Variants in ADGRB1 observed in about 807,000 individuals in gnomAD.
ADGRB1 encodes adhesion G protein-coupled receptor B1.
ADGRB1 carries 36 observed loss-of-function variants against 175.7 expected under a neutral mutation model. The observed-to-expected ratio is 0.20, with a 90% CI of 0.16 to 0.27. The LOEUF is 0.27. Ranked by LOEUF, ADGRB1 falls within the 10% of genes least tolerant of loss-of-function variation. The pLI is 1.00. For synonymous variants in ADGRB1, 1,054 were observed against 979.4 expected, an observed-to-expected ratio of 1.08 and a Z score of -1.42; for missense variants, 1,731 against 2,255.3, an observed-to-expected ratio of 0.77 and a Z score of 4.71.
At chr8:142,495,493 T>A (rs1395611182) in intron 17 of ADGRB1, among the ~76,000 whole-genome samples, 1 of 152,148 alleles carries the variant, frequency 6.6e-6, no homozygotes, top group African/African-American at 2.4e-5. Context: ...ATCTATTATC[T>A]CCCAGTTCTG....
intron 11 of ADGRB1, among the ~76,000 whole-genome samples, chr8:142,482,087 C>T (rs1273810377): frequency 1.3e-5 from 2 of 150,186 alleles, no homozygotes; most frequent in East Asian, 2.0e-4. Context: ...ACCCTGGTCA[C>T]ACACCATGTC....
rs1432326531 is a variant in ADGRB1 at position 142,455,461 on chromosome 8, C to G, written c.-220+5357C>G. 6.6e-6 allele frequency among the ~76,000 whole-genome samples: 1 copy of G among 152,166 alleles called. No individual in the cohort carries two copies. The highest frequency in any genetic ancestry group is 1.5e-5 in the Non-Finnish European group (1 of 68,032). ...TCCTCTCTGCAGCTTCGCTGTCAGGCCCCCAACCACTTGCCTTCCTGGGAG... is the reference window on the plus strand; with the variant it reads ...TCCTCTCTGCAGCTTCGCTGTCAGGGCCCCAACCACTTGCCTTCCTGGGAG... On this transcript the variant is annotated intron_variant, in intron 1 of 30. Transcript: ENST00000517894. This position sits in a 1 kb window ranked among gnomAD's most constrained non-coding sequence, Gnocchi z 4.9.
intron 2 of ADGRB1, among the ~76,000 whole-genome samples, chr8:142,468,251 C>T (rs1038363512): frequency 1.3e-4 from 20 of 151,860 alleles, no homozygotes; most frequent in African/African-American, 2.4e-4. Flanking sequence ...TACTCATGTG[C>T]GTGTGTGTGT....
rs962756284 is a variant in ADGRB1, at chr8:142,464,250, C to T, written c.52C>T (p.Leu18=). ...CCCCGTCTGGATCCTCGCCCCGCTG[C>T]TACTGCTGCTGCTGCTGCTGGGACG... ...PGPVWILAPL[L]LLLLLLGRRA... is the part of the protein sequence containing the mutation. The change falls in exon 2 of 31, where the codon CTA becomes TTA. Residue 18 remains leucine (L), a synonymous_variant. Coordinates refer to ENST00000517894, the MANE Select transcript of ADGRB1 (RefSeq NM_001702.3). 3 of 1,346,908 alleles carry T rather than the reference C, an allele frequency of 2.2e-6. No individual in the cohort carries two copies. The African/African-American group carries it at 4.6e-5, about 21-fold the overall frequency. The allele number at this position is 1,346,908 out of a possible 1,614,324, so 83.4% of individuals were successfully genotyped here. A position where few individuals can be genotyped will look rare whatever the true frequency, so the allele number is the denominator to read the frequency against.
Position 142,533,140 on chromosome 8 carries a change from C to T in ADGRB1, c.3399-155C>T, listed in dbSNP as rs1361807931. 7.8e-4 allele frequency among the ~76,000 whole-genome samples: 118 copies of T among 152,198 alleles called. 1 individual carries two copies. The highest frequency in any genetic ancestry group is 7.7e-3 in the Admixed American group (118 of 15,294). On this transcript the variant is annotated intron_variant, in intron 24 of 30. Coordinates refer to ENST00000517894, the MANE Select transcript of ADGRB1 (RefSeq NM_001702.3). ...AGTGGTGGACCCCTAGGGAGACTCA[C>T]CCCAGAGAGGAAGGGCTGCTTGGCC... is the stretch of plus-strand genomic sequence containing the variant.
intron 17 of ADGRB1, among the ~76,000 whole-genome samples, chr8:142,502,436 T>TG (rs1563719154): frequency 2.5e-4 from 1 of 4,004 alleles, no homozygotes; most frequent in Non-Finnish European, 5.2e-4. Flanking sequence ...GTGGTGGTGG[T>TG]AGTGGTGGTG....
Position 142,511,214 on chromosome 8 carries a change from C to T in ADGRB1, c.2817+141C>T. On this transcript the variant is annotated intron_variant, in intron 18 of 30. Transcript: ENST00000517894. The surrounding 1 kb of genome is among the most constrained non-coding windows in gnomAD (Gnocchi z 4.5). ...TGGCCCGCAGCCGCCGTGGCCTGGC[C>T]CGGCCGGCGGGGTCCATGCGCCTCT... 1 of 732,484 alleles carries T rather than the reference C, an allele frequency of 1.4e-6. No homozygotes were observed. The highest frequency in any genetic ancestry group is 1.7e-6 in the Non-Finnish European group (1 of 594,716). 45.4% of individuals were successfully genotyped at this position (732,484 alleles called of 1,614,324 possible).
intron 5 of ADGRB1, 28 bp from the exon 6 acceptor site, chr8:142,477,357 G>T (rs1401754959): frequency 6.3e-7 from 1 of 1,596,876 alleles, no homozygotes; most frequent in Admixed American, 1.7e-5. Context: ...GGCCGCAGTG[G>T]GCAGCAGCAC....
intron 11 of ADGRB1, 87 bp from the exon 12 acceptor site, chr8:142,483,890 C>T (rs1841522542): frequency 7.0e-7 from 1 of 1,425,770 alleles, no homozygotes; most frequent in Non-Finnish European, 9.9e-7. Context: ...TGACCCTGGT[C>T]ACACACTGAA....
At chr8:142,520,370 TG>T in intron 19 of ADGRB1, among the ~76,000 whole-genome samples, 8 of 135,538 alleles carry the variant, frequency 5.9e-5, no homozygotes, top group Non-Finnish European at 1.1e-4. Flanking sequence ...ATGGTGGTGA[TG>T]GTGGTGGTGG....
At chr8:142,536,186 A>C (rs1044026912) in intron 25 of ADGRB1, among the ~76,000 whole-genome samples, 5 of 151,642 alleles carry the variant, frequency 3.3e-5, no homozygotes, top group African/African-American at 1.2e-4. Flanking sequence ...TGCCTCCTCC[A>C]GGAAGCCCTC....
chr8:142,500,997 C>T (rs1378286832), intron 17 of ADGRB1, among the ~76,000 whole-genome samples: 7 of 152,198 alleles, frequency 4.6e-5, no homozygotes, highest in African/African-American at 7.2e-5. Context: ...GCTTGCACTG[C>T]GCCTTGGACA....
intron 17 of ADGRB1, among the ~76,000 whole-genome samples, chr8:142,498,458 C>T (rs1443016418): frequency 6.6e-6 from 1 of 152,180 alleles, no homozygotes; most frequent in African/African-American, 2.4e-5. Flanking sequence ...GCTTGGGCCT[C>T]TGTGTCCTGA....
rs1845427921 is a variant in ADGRB1, at chr8:142,543,775, C to T, written c.4557+67C>T. The stretch of plus-strand genomic sequence containing the variant: ...GTCAGGCCACCGTCTCCCTTCTTCC[C>T]TGGATTTGTGCACTTCATCCATCCA... On this transcript the variant is annotated intron_variant, in intron 30 of 30. Coordinates refer to ENST00000517894, the MANE Select transcript of ADGRB1 (RefSeq NM_001702.3). This position sits in a 1 kb window ranked among gnomAD's most constrained non-coding sequence, Gnocchi z 4.4. 4 of 1,399,612 alleles carry T rather than the reference C, an allele frequency of 2.9e-6. No individual in the cohort carries two copies. Among genetic ancestry groups the T allele is most frequent in the Non-Finnish European group, 4.0e-6 (4 of 1,011,468 alleles). The allele number at this position is 1,399,612 out of a possible 1,614,324, so 86.7% of individuals were successfully genotyped here.
At chr8:142,465,532 C>A (rs1840228879) in intron 2 of ADGRB1, among the ~76,000 whole-genome samples, 2 of 151,900 alleles carry the variant, frequency 1.3e-5, no homozygotes, top group Admixed American at 1.3e-4. Context: ...AGTATGCTCT[C>A]GGTGGATGAA....
In ADGRB1 at chr8:142,463,065, G is replaced by A. The variant is rs560125037; in HGVS notation, c.-219-915G>A. On this transcript the variant is annotated intron_variant, in intron 1 of 30. Coordinates refer to ENST00000517894, the MANE Select transcript of ADGRB1 (RefSeq NM_001702.3). ...GTATGGGTTCTCCGACCCACTCACT[G>A]TGACGGGTAAATTATGGATTCTCTC... Among the ~76,000 whole-genome samples, 374 of 152,364 alleles carry A rather than the reference G, an allele frequency of 2.5e-3. 2 individuals carry two copies. The highest frequency in any genetic ancestry group is 8.6e-3 in the African/African-American group (356 of 41,590).
intron 1 of ADGRB1, among the ~76,000 whole-genome samples, chr8:142,457,527 C>T (rs928383016): frequency 2.0e-5 from 3 of 151,910 alleles, no homozygotes; most frequent in Non-Finnish European, 4.4e-5. Flanking sequence ...GCTCCCACAC[C>T]CTTGGGGGCG....
chr8:142,538,579 C>T (rs952533704), intron 26 of ADGRB1, among the ~76,000 whole-genome samples: 18 of 152,236 alleles, frequency 1.2e-4, no homozygotes, highest in Admixed American at 6.5e-4. Flanking sequence ...GAAGAAACCT[C>T]CAGGTTTTCA....
At chr8:142,522,139 T>C in intron 21 of ADGRB1, 24 bp downstream of exon 21, 2 of 1,600,222 alleles carry the variant, frequency 1.2e-6, no homozygotes, top group Non-Finnish European at 1.7e-6. Flanking sequence ...TTCCCGACCC[T>C]CCTGGACAGA....
Sources: allele counts gnomAD v4.1 joint callset (sites outside exome capture counted in the v4.1 genomes callset), GRCh38; gene constraint gnomAD v4.1.1; non-coding constraint Gnocchi (gnomAD v3.1); transcripts MANE v1.5; gene names NCBI Gene and HGNC (gene_info 2026-07-23, HGNC 2026-07-21).